Variants in MAP4K3 observed in about 807,000 individuals in gnomAD.
MAP4K3 encodes the protein MAPK/ERK kinase kinase kinase 3.
MAP4K3 carries 94 observed loss-of-function variants against 143.5 expected under a neutral mutation model. The observed-to-expected ratio is 0.65, with a 90% CI of 0.55 to 0.78. The LOEUF (loss-of-function observed/expected upper bound fraction) is 0.78. Ranked by LOEUF, MAP4K3 falls within the 30% of genes least tolerant of loss-of-function variation. The pLI, the probability that MAP4K3 is intolerant of heterozygous loss-of-function variation, is 0.00. For missense variants in MAP4K3, 1,077 were observed against 1,068.1 expected, an observed-to-expected ratio of 1.01 and a Z score of -0.12; for synonymous variants, 416 against 347.2, an observed-to-expected ratio of 1.20 and a Z score of -2.20.
chr2:39,317,579 TA>T (rs1309937931), intron 12 of MAP4K3, among the ~76,000 whole-genome samples: 4 of 151,522 alleles, frequency 2.6e-5, no homozygotes, highest in African/African-American at 9.7e-5. Flanking sequence ...ACAACTCTAT[TA>T]AAAAGTGGGC....
At position 39,326,238 on chromosome 2, in the gene MAP4K3, AC is replaced by A. The variant is rs1451169538; in HGVS notation, c.569del (p.Gly190ValfsTer16). Reference sequence around the variant, plus strand: ...CCCAGAGATCACAGAGTTGATTGTAACCCCCCTTCCTCTCAACAGCTGCAAC... The same window carrying A: ...CCCAGAGATCACAGAGTTGATTGTAACCCCCTTCCTCTCAACAGCTGCAAC... ...PEVAAVERKG[G>X]YNQLCDLWAV... On this transcript the variant is annotated frameshift_variant, in exon 9 of 34. Transcript: ENST00000263881. LOFTEE classifies it high-confidence loss of function. 2 of 1,613,378 alleles carry A rather than the reference AC, an allele frequency of 1.2e-6. No homozygotes were observed.
Position 39,336,133 on chromosome 2 carries a change from G to A in MAP4K3, c.414+787C>T, listed in dbSNP as rs138375089. ...ATGCTGTACCACTGGGCTAACCCCA[G>A]CACATTCAGAGCACCTGCTCTCCTT... On this transcript the variant is annotated intron_variant, in intron 6 of 33. Coordinates refer to ENST00000263881, the MANE Select transcript of MAP4K3 (RefSeq NM_003618.4). 1.6e-4 allele frequency among the ~76,000 whole-genome samples: 25 copies of A among 152,244 alleles called. 1 individual carries two copies. In the East Asian group the frequency reaches 4.6e-3, roughly 28 times the overall value.
chr2:39,288,016 T>C, intron 20 of MAP4K3, 105 bp downstream of exon 20: 1 of 1,385,096 alleles, frequency 7.2e-7, no homozygotes, highest in Non-Finnish European at 1.0e-6. Flanking sequence ...GCTTTCCTTC[T>C]GTCCTCCACC....
chr2:39,309,575 T>TTTTTTTTG, intron 13 of MAP4K3, 56 bp from the exon 14 acceptor site: 2 of 1,009,294 alleles, frequency 2.0e-6, no homozygotes, highest in African/African-American at 2.1e-5. Flanking sequence ...TTTTTTTTTT[T>TTTTTTTTG]GAGGCAGAGT....
chr2:39,383,584 G>C (rs575801827), intron 1 of MAP4K3, among the ~76,000 whole-genome samples: 1 of 152,086 alleles, frequency 6.6e-6, no homozygotes, highest in South Asian at 2.1e-4. Flanking sequence ...GGTTTACCCA[G>C]AGTACTCCTG....
rs540550190 is a variant in MAP4K3, at chr2:39,322,577, A to T, written c.918+2941T>A. ...ATAACCTATAAAAAACTTAAACTAG[A>T]CTTAGATGTGGTATATGTGTGTGTG... is the stretch of plus-strand genomic sequence containing the variant. On this transcript the variant is annotated intron_variant, in intron 12 of 33. Transcript: ENST00000263881. Among the ~76,000 whole-genome samples, 5 of 140,994 alleles carry T rather than the reference A, an allele frequency of 3.5e-5. No homozygotes were observed. The South Asian group carries it at 1.2e-3, about 33-fold the overall frequency. The allele number at this position is 140,994 out of a possible 152,430, so 92.5% of individuals were successfully genotyped here. A position where few individuals can be genotyped will look rare whatever the true frequency, so the allele number is the denominator to read the frequency against.
chr2:39,399,622 G>T (rs1423722979), intron 1 of MAP4K3, among the ~76,000 whole-genome samples: 1 of 152,206 alleles, frequency 6.6e-6, no homozygotes, highest in African/African-American at 2.4e-5. Flanking sequence ...TTAAATGCAA[G>T]GATTTGAGGC....
At chr2:39,357,718 T>A (rs1288866715) in intron 2 of MAP4K3, among the ~76,000 whole-genome samples, 1 of 152,262 alleles carries the variant, frequency 6.6e-6, no homozygotes, top group Non-Finnish European at 1.5e-5. Context: ...TGAGGATTCC[T>A]GATTTTCTGT....
rs181600817 is a variant in MAP4K3, at chr2:39,387,611, C to T, written c.97-9488G>A. Among the ~76,000 whole-genome samples, 3 of 152,154 alleles carry T rather than the reference C, an allele frequency of 2.0e-5. No homozygotes were observed. The East Asian group carries it at 5.8e-4, about 29-fold the overall frequency. On this transcript the variant is annotated intron_variant, in intron 1 of 33. Transcript: ENST00000263881. ...TGTGCCAGTGTCACAGCATGCAGGACTTTGGGCATAAAGTGAAGTTTTGAA... is the reference window on the plus strand; with the variant it reads ...TGTGCCAGTGTCACAGCATGCAGGATTTTGGGCATAAAGTGAAGTTTTGAA...
intron 1 of MAP4K3, among the ~76,000 whole-genome samples, chr2:39,384,507 C>T (rs1329412349): frequency 6.6e-6 from 1 of 152,240 alleles, no homozygotes; most frequent in Non-Finnish European, 1.5e-5. Flanking sequence ...GATTGCGCCA[C>T]TGCGCTCCAG....
chr2:39,345,361 GAT>G (rs1007683858), intron 3 of MAP4K3, among the ~76,000 whole-genome samples: 2 of 152,114 alleles, frequency 1.3e-5, no homozygotes, highest in Non-Finnish European at 2.9e-5. Context: ...AAGTTATAGT[GAT>G]CTATGATAGT....
At chr2:39,310,342 A>G (rs571482803) in intron 13 of MAP4K3, among the ~76,000 whole-genome samples, 11 of 152,354 alleles carry the variant, frequency 7.2e-5, no homozygotes, top group African/African-American at 2.6e-4. Context: ...GAATGAGGAC[A>G]TGAGACATTT....
chr2:39,254,383 G>T, intron 32 of MAP4K3, 67 bp downstream of exon 32: 2 of 1,222,672 alleles, frequency 1.6e-6, no homozygotes, highest in Non-Finnish European at 2.4e-6. Context: ...TATCATTTAG[G>T]AATCGAACTG....
intron 1 of MAP4K3, among the ~76,000 whole-genome samples, chr2:39,429,410 C>G (rs1478358185): frequency 1.3e-5 from 2 of 152,022 alleles, no homozygotes; most frequent in Non-Finnish European, 2.9e-5. Context: ...GTGACAGATC[C>G]CACACAATCC....
At chr2:39,298,081 A>C (rs1558631154) in intron 16 of MAP4K3, among the ~76,000 whole-genome samples, 1 of 152,170 alleles carries the variant, frequency 6.6e-6, no homozygotes, top group South Asian at 2.1e-4. Context: ...ATATTTTCCC[A>C]AAAATTTCAG....
intron 1 of MAP4K3, among the ~76,000 whole-genome samples, chr2:39,380,250 T>G (rs1330381851): frequency 2.0e-5 from 3 of 152,138 alleles, no homozygotes; most frequent in African/African-American, 7.2e-5. Context: ...CAATTGAAAG[T>G]CCTTAAGAAA....
chr2:39,333,218 T>C (rs1468748842), intron 7 of MAP4K3, among the ~76,000 whole-genome samples: 1 of 152,186 alleles, frequency 6.6e-6, no homozygotes, highest in African/African-American at 2.4e-5. Flanking sequence ...TCTTATTTTT[T>C]GGTTACAAGG....
At chr2:39,370,700 C>A (rs1313125013) in intron 2 of MAP4K3, among the ~76,000 whole-genome samples, 1 of 152,156 alleles carries the variant, frequency 6.6e-6, no homozygotes, top group African/African-American at 2.4e-5. Flanking sequence ...GTTTATCAAC[C>A]TCAGTAGTTT....
intron 2 of MAP4K3, among the ~76,000 whole-genome samples, chr2:39,358,910 G>A (rs528318650): frequency 4.7e-4 from 72 of 152,208 alleles, no homozygotes; most frequent in Non-Finnish European, 9.0e-4. Context: ...TGAGACATGC[G>A]TGGTGACACA....
Sources: allele counts gnomAD v4.1 joint callset (sites outside exome capture counted in the v4.1 genomes callset), GRCh38; gene constraint gnomAD v4.1.1; transcripts MANE v1.5; gene names NCBI Gene and HGNC (gene_info 2026-07-23, HGNC 2026-07-21).